Variants in GSN observed in about 807,000 individuals in gnomAD.
GSN encodes the protein gelsolin.
A neutral mutation model predicts 85.7 loss-of-function variants in GSN; 56 were observed. That is an observed-to-expected ratio of 0.65 (90% confidence interval 0.53 to 0.82). The LOEUF (loss-of-function observed/expected upper bound fraction) is 0.82. GSN is among the 40% of genes least tolerant of loss of function. The pLI is 0.00. For synonymous variants in GSN, 373 were observed against 399.1 expected, an observed-to-expected ratio of 0.93 and a Z score of 0.78; for missense variants, 857 against 979.8, an observed-to-expected ratio of 0.87 and a Z score of 1.67.
chr9:121,263,779 A>G (rs1410164509), upstream of GSN, among the ~76,000 whole-genome samples: 1 of 151,780 alleles, frequency 6.6e-6, no homozygotes, highest in Non-Finnish European at 1.5e-5. Flanking sequence ...AATCCCAGCT[A>G]CTAGGAGGCT....
chr9:121,208,840 G>C (rs1385587488), intron 1 of GSN, among the ~76,000 whole-genome samples: 1 of 152,218 alleles, frequency 6.6e-6, no homozygotes, highest in East Asian at 1.9e-4. Flanking sequence ...TGCCTAAAAG[G>C]GGGGCAGGTG....
chr9:121,206,083 A>C (rs1455883569), upstream of GSN, among the ~76,000 whole-genome samples: 1 of 151,994 alleles, frequency 6.6e-6, no homozygotes. Flanking sequence ...CAATTCCTGA[A>C]GCAGTATTGA....
intron 1 of GSN, among the ~76,000 whole-genome samples, chr9:121,275,387 C>G (rs2056541766): frequency 6.6e-6 from 1 of 152,172 alleles, no homozygotes; most frequent in East Asian, 1.9e-4. Flanking sequence ...CCAGTGCAAT[C>G]ATGTGGATGC....
chr9:121,236,531 T>C (rs2054497290), intron 5 of GSN, among the ~76,000 whole-genome samples: 1 of 152,170 alleles, frequency 6.6e-6, no homozygotes, highest in Non-Finnish European at 1.5e-5. Context: ...TTTTCATTTA[T>C]ATCCAAATAT....
intron 12 of GSN, among the ~76,000 whole-genome samples, chr9:121,326,054 C>G (rs1220167719): frequency 6.6e-6 from 1 of 150,868 alleles, no homozygotes; most frequent in East Asian, 1.9e-4. Flanking sequence ...ACCACCAAGC[C>G]CCTGACTGCT....
chr9:121,241,757 C>T (rs2054609916), intron 5 of GSN, among the ~76,000 whole-genome samples: 1 of 152,208 alleles, frequency 6.6e-6, no homozygotes, highest in African/African-American at 2.4e-5. Context: ...TCGGATACAT[C>T]ATGATTTGTA....
intron 5 of GSN, among the ~76,000 whole-genome samples, chr9:121,246,492 T>G (rs937060100): frequency 2.6e-5 from 4 of 152,230 alleles, no homozygotes; most frequent in Non-Finnish European, 1.5e-5. Context: ...GGTTTATCCA[T>G]GTATATTCAT....
At chr9:121,226,699 T>C (rs1376073780) in intron 4 of GSN, among the ~76,000 whole-genome samples, 1 of 152,198 alleles carries the variant, frequency 6.6e-6, no homozygotes, top group Non-Finnish European at 1.5e-5. Context: ...CCCCAGCTCC[T>C]GACACAGAAC....
intron 2 of GSN, among the ~76,000 whole-genome samples, chr9:121,301,677 G>A (rs889345138): frequency 1.3e-5 from 2 of 151,884 alleles, no homozygotes; most frequent in African/African-American, 2.4e-5. Flanking sequence ...AAAGGAGCAG[G>A]GAGGTAGAGC....
upstream of GSN, among the ~76,000 whole-genome samples, chr9:121,206,463 C>T (rs1385448181): frequency 6.6e-6 from 1 of 152,158 alleles, no homozygotes; most frequent in East Asian, 1.9e-4. Flanking sequence ...TAAGTACATT[C>T]TGTATTCAAT....
At chr9:121,214,018 T>C (rs2132081979) in intron 4 of GSN, among the ~76,000 whole-genome samples, 1 of 152,332 alleles carries the variant, frequency 6.6e-6, no homozygotes, top group South Asian at 2.1e-4. Flanking sequence ...CTGTTCAGTC[T>C]CAGTCTCCTT....
intron 12 of GSN, 114 bp from the exon 13 acceptor site, chr9:121,326,398 C>A: frequency 1.2e-6 from 1 of 850,496 alleles, no homozygotes; most frequent in Non-Finnish European, 1.9e-6. Flanking sequence ...ACATTCCATG[C>A]CACACACAGA....
intron 5 of GSN, among the ~76,000 whole-genome samples, chr9:121,237,419 C>T (rs1483085514): frequency 6.6e-6 from 1 of 152,136 alleles, no homozygotes; most frequent in Admixed American, 6.6e-5. Context: ...AAAAAATTAA[C>T]TGCATGTGAG....
intron 13 of GSN, 108 bp downstream of exon 13, chr9:121,326,790 G>A (rs773295356): frequency 3.3e-5 from 34 of 1,017,910 alleles, no homozygotes; most frequent in East Asian, 9.5e-5. Context: ...GGTGAATGAC[G>A]GGGTAAGAAG....
intron 2 of GSN, among the ~76,000 whole-genome samples, chr9:121,297,086 G>A (rs924197000): frequency 2.0e-5 from 3 of 152,350 alleles, no homozygotes; most frequent in Middle Eastern, 3.4e-3. Context: ...CAGTCTGGGG[G>A]CTGGGCAGCT....
At chr9:121,274,193 A>G (rs2056369763) in intron 1 of GSN, among the ~76,000 whole-genome samples, 1 of 152,218 alleles carries the variant, frequency 6.6e-6, no homozygotes, top group African/African-American at 2.4e-5. Flanking sequence ...TCTGGGCACT[A>G]GGCTGTACCC....
intron 5 of GSN, chr9:121,311,501 T>A (rs2061139552): frequency 6.4e-6 from 1 of 157,272 alleles, no homozygotes; most frequent in African/African-American, 2.4e-5. Context: ...CAGAGGAGTG[T>A]GTGAATCCTG....
intron 4 of GSN, among the ~76,000 whole-genome samples, chr9:121,220,345 A>G (rs1416568553): frequency 2.0e-5 from 3 of 149,954 alleles, no homozygotes; most frequent in Non-Finnish European, 4.5e-5. Flanking sequence ...CCCCTAGCCC[A>G]CTGATATCTG....
At chr9:121,294,893 A>G (rs544715160) in intron 2 of GSN, among the ~76,000 whole-genome samples, 8 of 152,226 alleles carry the variant, frequency 5.3e-5, no homozygotes, top group African/African-American at 1.9e-4. Context: ...TCTGAACAAC[A>G]TACTCCAACA....
Sources: allele counts gnomAD v4.1 joint callset (sites outside exome capture counted in the v4.1 genomes callset), GRCh38; gene constraint gnomAD v4.1.1; transcripts MANE v1.5; gene names NCBI Gene and HGNC (gene_info 2026-07-23, HGNC 2026-07-21).